MICAL3: variants seen among roughly 807,000 people sequenced by gnomAD.
The protein encoded by MICAL3 is microtubule associated monooxygenase, calponin and LIM domain containing 3, also known as [F-actin]-monooxygenase MICAL3.
Under a neutral mutation model 207.4 loss-of-function variants are expected in MICAL3, and 62 were observed. That is an observed-to-expected ratio of 0.30 (90% CI 0.24 to 0.37). MICAL3 has a LOEUF of 0.37. Among genes scored for constraint, MICAL3 ranks in the 10% least tolerant of loss-of-function variants. MICAL3 has a pLI of 1.00. For missense variants in MICAL3, 2,368 were observed against 2,635.6 expected, an observed-to-expected ratio of 0.90 and a Z score of 2.22; for synonymous variants, 1,077 against 1,069.3, an observed-to-expected ratio of 1.01 and a Z score of -0.14.
At position 17,822,047 on chromosome 22, in the gene MICAL3, G is replaced by A. The variant is rs368481659; in HGVS notation, c.3431C>T (p.Pro1144Leu). 1.5e-5 allele frequency: 25 copies of A among 1,613,856 alleles called. No individual in the cohort carries two copies. Among genetic ancestry groups the A allele is most frequent in the South Asian group, 8.8e-5 (8 of 91,084 alleles). ...AGGCTCACCTCTCTCTTGGTGCTTC[G>A]GTGAGGCGGGCAGCTTCTCCTCATC... ...SEDEEKLPAS[P>L]KHQERGPSQA... The change falls in exon 24 of 32, where the codon CCG (proline) becomes CTG (leucine). Residue 1144 changes from proline (P) to leucine (L), a missense_variant. By Grantham distance (98) the Pro-to-Leu change is moderately conservative. Transcript: ENST00000441493.
intron 1 of MICAL3, among the ~76,000 whole-genome samples, chr22:17,935,722 CA>C (rs780738891): frequency 1.6e-4 from 25 of 152,236 alleles, no homozygotes; most frequent in Middle Eastern, 6.8e-3. Context: ...AGAACTCAAA[CA>C]AATTTACAAG....
chr22:17,839,354 T>A (rs141330080), intron 20 of MICAL3, among the ~76,000 whole-genome samples: 3,548 of 150,676 alleles, frequency 0.024, 49 homozygotes, highest in Admixed American at 0.052. Flanking sequence ...CCTCCTGGGT[T>A]CAAGCGATTC....
chr22:17,879,595 C>T lies in MICAL3; in HGVS notation c.2241+6283G>A, dbSNP rs1289574073. Among the ~76,000 whole-genome samples, 4 of 152,176 alleles carry T rather than the reference C, an allele frequency of 2.6e-5. No homozygotes were observed. The East Asian group carries it at 7.7e-4, about 29-fold the overall frequency. ...GACACAAGGCCGACTTTCTGCACAGCCATTCCACCCCCCACTGGCCTCCGA... is the reference window on the plus strand; with the variant it reads ...GACACAAGGCCGACTTTCTGCACAGTCATTCCACCCCCCACTGGCCTCCGA... On this transcript the variant is annotated intron_variant, in intron 16 of 31. Coordinates refer to ENST00000441493, the MANE Select transcript of MICAL3 (RefSeq NM_015241.3).
intron 1 of MICAL3, among the ~76,000 whole-genome samples, chr22:17,991,880 C>T (rs1212069555): frequency 6.6e-6 from 1 of 152,122 alleles, no homozygotes; most frequent in Non-Finnish European, 1.5e-5. Context: ...ACTGTGCTGG[C>T]TAATGACATT....
intron 1 of MICAL3, among the ~76,000 whole-genome samples, chr22:17,910,272 G>T (rs1423527598): frequency 6.6e-6 from 1 of 152,110 alleles, no homozygotes; most frequent in Non-Finnish European, 1.5e-5. Flanking sequence ...CCCAAGAAGA[G>T]TTCTTACGTG....
At position 17,791,260 on chromosome 22, in the gene MICAL3, A is replaced by G; in HGVS notation, c.5692T>C (p.Phe1898Leu). Residue 1898 changes from phenylalanine to leucine, a missense_variant, in exon 30 of 32, where the codon TTC becomes CTC. Transcript: ENST00000441493. ...KDDPKLMQEW[F>L]KLVQEKNAMV... is the part of the protein sequence containing the mutation. Reference sequence around the variant, plus strand: ...GCGTTCTTCTCCTGCACTAGCTTGAACCACTCCTGCATCAGCTTGGGGTCG... The same window carrying G: ...GCGTTCTTCTCCTGCACTAGCTTGAGCCACTCCTGCATCAGCTTGGGGTCG... 1 of 1,613,604 alleles carries G rather than the reference A, an allele frequency of 6.2e-7. No individual in the cohort carries two copies. Among genetic ancestry groups the G allele is most frequent in the Middle Eastern group, 1.7e-4 (1 of 6,060 alleles).
At chr22:17,965,629 CAGAG>C (rs1935112178) in intron 1 of MICAL3, among the ~76,000 whole-genome samples, 1 of 152,306 alleles carries the variant, frequency 6.6e-6, no homozygotes, top group Non-Finnish European at 1.5e-5. Context: ...AAAAAGGAGA[CAGAG>C]AGGCTACGTA....
At chr22:17,934,825 G>A (rs1933438733) in intron 1 of MICAL3, among the ~76,000 whole-genome samples, 1 of 152,012 alleles carries the variant, frequency 6.6e-6, no homozygotes, top group South Asian at 2.1e-4. Context: ...TAGACAAACC[G>A]AGAGCCAAAT....
Position 17,900,962 on chromosome 22 carries a change from T to C in MICAL3, c.727A>G (p.Ile243Val). 6.2e-7 allele frequency: 1 copy of C among 1,614,056 alleles called. No individual in the cohort carries two copies. The highest frequency in any genetic ancestry group is 8.5e-7 in the Non-Finnish European group (1 of 1,179,880). Reference protein sequence around the residue: ...RRKEFRGKLAIAITANFINRN... With the variant: ...RRKEFRGKLAVAITANFINRN... The stretch of plus-strand genomic sequence containing the variant: ...TTGATAAAATTTGCCGTGATGGCGA[T>C]GGCCAGTTTGCCACGGAATTCTTTC... The change falls in exon 6 of 32, where the codon ATC becomes GTC. Residue 243 changes from isoleucine to valine, a missense_variant. Transcript: ENST00000441493. The surrounding 1 kb of genome is among the most constrained non-coding windows in gnomAD (Gnocchi z 4.0).
intron 1 of MICAL3, among the ~76,000 whole-genome samples, chr22:17,965,151 C>A (rs1405387147): frequency 3.4e-5 from 5 of 146,394 alleles, no homozygotes; most frequent in African/African-American, 1.0e-4. Flanking sequence ...GAGTTTGAGA[C>A]CAGCCTGGGC....
chr22:18,007,431 T>G (rs1763668587), intron 1 of MICAL3: 3 of 149,192 alleles, frequency 2.0e-5, no homozygotes, highest in Non-Finnish European at 4.5e-5. Context: ...AACATGATGG[T>G]TTTTTTTTTC....
intron 16 of MICAL3, among the ~76,000 whole-genome samples, chr22:17,877,072 GGGAAGTTAT>G (rs1199606209): frequency 3.5e-4 from 38 of 109,242 alleles, no homozygotes; most frequent in Admixed American, 5.2e-4. Context: ...ATGGAGGTTA[GGGAAGTTAT>G]GGAGGTTATG....
chr22:17,843,665 C>A (rs1924313112), intron 19 of MICAL3, among the ~76,000 whole-genome samples: 1 of 152,224 alleles, frequency 6.6e-6, no homozygotes, highest in African/African-American at 2.4e-5. Context: ...CCACTTAACG[C>A]CTGCCACCTG....
chr22:17,993,993 C>G (rs1361980291), intron 1 of MICAL3, among the ~76,000 whole-genome samples: 1 of 152,182 alleles, frequency 6.6e-6, no homozygotes, highest in East Asian at 1.9e-4. Flanking sequence ...GTGTGAAAAG[C>G]AGGGATCATA....
intron 22 of MICAL3, among the ~76,000 whole-genome samples, chr22:17,825,811 C>T (rs2146028968): frequency 6.6e-6 from 1 of 152,278 alleles, no homozygotes; most frequent in South Asian, 2.1e-4. Context: ...AAGAGCTGTC[C>T]TGCCCCAAAT....
chr22:17,971,733 G>C lies in MICAL3; in HGVS notation c.-75+52548C>G, dbSNP rs149966740. On this transcript the variant is annotated intron_variant, in intron 1 of 31. Coordinates refer to ENST00000441493, the MANE Select transcript of MICAL3 (RefSeq NM_015241.3). ...AGATACATCCATACTTACACACTGT[G>C]AGAAAAAGAACAGCAGAACCTAAGA... is the stretch of plus-strand genomic sequence containing the variant. 5.9e-5 allele frequency among the ~76,000 whole-genome samples: 9 copies of C among 152,332 alleles called. No individual in the cohort carries two copies. In the East Asian group the frequency reaches 1.5e-3, roughly 26 times the overall value.
chr22:17,875,482 G>A lies in MICAL3; in HGVS notation c.2242-3459C>T, dbSNP rs769411140. ...GAGTCGGAGGAGGGAGAGGCGGGGC[G>A]GGCAGAGGAGCGGAGACTAAGAGAA... On this transcript the variant is annotated intron_variant, in intron 16 of 31. Coordinates refer to ENST00000441493, the MANE Select transcript of MICAL3 (RefSeq NM_015241.3). 2.2e-5 allele frequency: 34 copies of A among 1,556,646 alleles called. 1 individual carries two copies. The highest frequency in any genetic ancestry group is 1.3e-4 in the South Asian group (11 of 84,412).
At chr22:18,000,558 G>T (rs1350342336) in intron 1 of MICAL3, among the ~76,000 whole-genome samples, 2 of 152,202 alleles carry the variant, frequency 1.3e-5, no homozygotes, top group African/African-American at 4.8e-5. Flanking sequence ...CCAGGCGGAG[G>T]GTCTCGCTGC....
Position 17,886,076 on chromosome 22 carries a change from C to A in MICAL3, c.2068-25G>T, listed in dbSNP as rs777418419. ...CCTGGTCAATGCCAACCCCAAAGAA[C>A]CCGGCGCTGTGACAGGAGGCTCCCC... On this transcript the variant is annotated intron_variant, in intron 15 of 31. Transcript: ENST00000441493. 1.9e-6 allele frequency: 3 copies of A among 1,611,470 alleles called. No individual in the cohort carries two copies. In the South Asian group the frequency reaches 3.3e-5, roughly 18 times the overall value.
Sources: gnomAD v4.1 joint callset for allele counts (sites outside exome capture counted in the v4.1 genomes callset) on GRCh38, gnomAD v4.1.1 for gene constraint, Gnocchi (gnomAD v3.1) non-coding constraint, MANE v1.5 for transcripts, NCBI Gene and HGNC (gene_info 2026-07-23, HGNC 2026-07-21) for gene names.